The following TRNP1 variants were observed in gnomAD, a reference collection of about 807,000 sequenced individuals.
The protein encoded by TRNP1 is TMF-regulated nuclear protein 1.
In TRNP1, 16 loss-of-function variants were observed where a neutral mutation model predicts 12.2. That is an observed-to-expected ratio of 1.31 (90% CI 0.89 to 1.99). The LOEUF is 1.99. TRNP1 is among the 30% of genes most tolerant of loss of function. The pLI is 0.00. For synonymous variants in TRNP1, 139 were observed against 166.2 expected (o/e 0.84, Z 1.26); for missense variants, 338 against 330.4 (o/e 1.02, Z -0.18).
chr1:26,994,406 G>T lies in TRNP1; in HGVS notation c.620G>T (p.Gly207Val), dbSNP rs2124191745. Residue 207 changes from glycine (G) to valine (V), a missense_variant, in exon 1 of 2, where the codon GGC becomes GTC. Physicochemically the swap from Gly to Val is moderately radical, Grantham distance 109 (BLOSUM62 -3). Transcript: ENST00000522111. The surrounding 1 kb of genome is among the most constrained non-coding windows in gnomAD (Gnocchi z 6.9). Reference sequence around the variant, plus strand: ...GCCGGGCGACTGCGGCGCGGCCACGGCCCCGAGCCCGACTCGCCCTTCCGC... The same window carrying T: ...GCCGGGCGACTGCGGCGCGGCCACGTCCCCGAGCCCGACTCGCCCTTCCGC... Reference protein sequence around the residue: ...WGAGRLRRGHGPEPDSPFRRS... With the variant: ...WGAGRLRRGHVPEPDSPFRRS... 1 of 1,145,688 alleles carries T rather than the reference G, an allele frequency of 8.7e-7. No homozygotes were observed. The highest frequency in any genetic ancestry group is 1.1e-6 in the Non-Finnish European group (1 of 933,262). 71.0% of individuals were successfully genotyped at this position (1,145,688 alleles called of 1,614,324 possible).
intron 1 of TRNP1, among the ~76,000 whole-genome samples, chr1:26,995,661 G>A (rs1890052): frequency 0.28 from 42,016 of 152,148 alleles, 6,869 homozygotes; most frequent in Middle Eastern, 0.45. Flanking sequence ...ACAGTGTTTC[G>A]CTCTTGTTGC....
chr1:26,993,818 C>T lies in TRNP1; in HGVS notation c.32C>T (p.Pro11Leu). ...GGCTGCCGCATCAGCGCCTGCGGCC[C>T]GGGGGCCCAGGAGGGGACGGCAGAG... Reference protein sequence around the residue: MPGCRISACGPGAQEGTAEQR... With the variant: MPGCRISACGLGAQEGTAEQR... Residue 11 changes from proline (P) to leucine (L), a missense_variant, in exon 1 of 2, where the codon CCG becomes CTG. Pro to Leu is a moderately conservative substitution (Grantham distance 98, BLOSUM62 -3). Coordinates refer to ENST00000522111, the MANE Select transcript of TRNP1 (RefSeq NM_001013642.3). The T allele has an allele frequency of 1.5e-6, 2 of 1,325,610 alleles. No homozygotes were observed. Among genetic ancestry groups the T allele is most frequent in the Non-Finnish European group, 1.9e-6 (2 of 1,041,254 alleles). The allele number at this position is 1,325,610 out of a possible 1,614,324, so 82.1% of individuals were successfully genotyped here. A position where few individuals can be genotyped will look rare whatever the true frequency, so the allele number is the denominator to read the frequency against.
chr1:26,994,215 C>A lies in TRNP1; in HGVS notation c.429C>A (p.His143Gln). 1 of 1,280,092 alleles carries A rather than the reference C, an allele frequency of 7.8e-7. No homozygotes were observed. Among genetic ancestry groups the A allele is most frequent in the Non-Finnish European group, 9.9e-7 (1 of 1,008,882 alleles). The allele number at this position is 1,280,092 out of a possible 1,614,324, so 79.3% of individuals were successfully genotyped here. A position where few individuals can be genotyped will look rare whatever the true frequency, so the allele number is the denominator to read the frequency against. ...TGGCGGCCGAGCTGCGCCTGGCGCA[C>A]CGCGCGGAGAGCCTGAGCCGCCTGA... ...VFLAAELRLA[H>Q]RAESLSRLSG... is the part of the protein sequence containing the mutation. Residue 143 changes from histidine to glutamine, a missense_variant, in exon 1 of 2, where the codon CAC becomes CAA. His to Gln is a conservative substitution (Grantham distance 24, BLOSUM62 0). Transcript: ENST00000522111. The surrounding 1 kb of genome is among the most constrained non-coding windows in gnomAD (Gnocchi z 6.9).
Position 26,993,923 on chromosome 1 carries a change from C to G in TRNP1, c.137C>G (p.Pro46Arg). The G allele has an allele frequency of 7.3e-7, 1 of 1,365,272 alleles. No individual in the cohort carries two copies. Among genetic ancestry groups the G allele is most frequent in the Non-Finnish European group, 9.4e-7 (1 of 1,066,258 alleles). 84.6% of individuals were successfully genotyped at this position (1,365,272 alleles called of 1,614,324 possible). The stretch of plus-strand genomic sequence containing the variant: ...CCAACTCCGACCTTGACTCCTACCC[C>G]GACCCCGGGTCAGTCCCCGCCGCTG... The part of the protein sequence containing the change: ...PPPTPTLTPT[P>R]TPGQSPPLPD... Residue 46 changes from proline to arginine, a missense_variant, in exon 1 of 2, where the codon CCG (proline) becomes CGG (arginine). Pro to Arg is a moderately radical substitution (Grantham distance 103). Transcript: ENST00000522111.
rs994904752 is a variant in TRNP1 at position 27,000,560 on chromosome 1, G to T, written c.*856G>T. ...GGGAAGGGGGGCACATTTACACATA[G>T]CCCAGAACTTGTAGAATTCTGCATA... is the stretch of plus-strand genomic sequence containing the variant. On this transcript the variant is annotated 3_prime_UTR_variant, in exon 2 of 2. Coordinates refer to ENST00000522111, the MANE Select transcript of TRNP1 (RefSeq NM_001013642.3). 6.6e-6 allele frequency: 1 copy of T among 152,598 alleles called. No homozygotes were observed. The highest frequency in any genetic ancestry group is 1.9e-4 in the East Asian group (1 of 5,202). The allele number at this position is 152,598 out of a possible 1,614,324, so 9.5% of individuals were successfully genotyped here. A position where few individuals can be genotyped will look rare whatever the true frequency, so the allele number is the denominator to read the frequency against.
chr1:26,995,338 G>A (rs2082540061), intron 1 of TRNP1, among the ~76,000 whole-genome samples: 1 of 152,202 alleles, frequency 6.6e-6, no homozygotes, highest in Admixed American at 6.5e-5. Context: ...CCTTTAACAG[G>A]CCCCAAGGGG....
At chr1:26,997,955 G>T (rs1040625492) in intron 1 of TRNP1, among the ~76,000 whole-genome samples, 3 of 152,192 alleles carry the variant, frequency 2.0e-5, no homozygotes, top group Non-Finnish European at 4.4e-5. Context: ...GGGCCTGGGA[G>T]AACGAGCAGG....
intron 1 of TRNP1, among the ~76,000 whole-genome samples, chr1:26,997,231 G>C (rs1395364900): frequency 6.6e-6 from 1 of 151,076 alleles, no homozygotes; most frequent in Non-Finnish European, 1.5e-5. Context: ...CCAGCTACTC[G>C]GGAGGCTGAG....
intron 1 of TRNP1, among the ~76,000 whole-genome samples, chr1:26,996,342 C>G (rs1335164717): frequency 6.6e-6 from 1 of 152,196 alleles, no homozygotes; most frequent in East Asian, 1.9e-4. Context: ...TCCCTGGATA[C>G]CAAACTTTTT....
chr1:26,998,698 T>C (rs558258310), intron 1 of TRNP1, among the ~76,000 whole-genome samples: 8 of 152,220 alleles, frequency 5.3e-5, no homozygotes, highest in African/African-American at 1.9e-4. Flanking sequence ...TGGAATAATA[T>C]CTTAACCACC....
intron 1 of TRNP1, among the ~76,000 whole-genome samples, chr1:26,998,497 C>T (rs1300596172): frequency 1.3e-5 from 2 of 152,188 alleles, no homozygotes; most frequent in Non-Finnish European, 2.9e-5. Flanking sequence ...CAGCCGCTCC[C>T]CTGTTGGTGG....
rs1286148873 is a variant in TRNP1, at chr1:27,000,198, ATTTCT to A, written c.*499_*503del. 6.6e-6 allele frequency: 1 copy of A among 152,316 alleles called. No homozygotes were observed. The highest frequency in any genetic ancestry group is 1.9e-4 in the East Asian group (1 of 5,190). The allele number at this position is 152,316 out of a possible 1,614,324, so 9.4% of individuals were successfully genotyped here. ...CCCCCTACCCCATCCCCAGCCAAGAATTTCTTTTCAAGATATCGTCATCATTCTTA... is the reference window on the plus strand; with the variant it reads ...CCCCCTACCCCATCCCCAGCCAAGAATTTCAAGATATCGTCATCATTCTTA... On this transcript the variant is annotated 3_prime_UTR_variant, in exon 2 of 2. Transcript: ENST00000522111.
chr1:26,999,640 C>T (rs2082562881), intron 1 of TRNP1, among the ~76,000 whole-genome samples: 1 of 152,168 alleles, frequency 6.6e-6, no homozygotes, highest in African/African-American at 2.4e-5. Context: ...TCCATTCTAA[C>T]TGCTCAGGCT....
intron 1 of TRNP1, among the ~76,000 whole-genome samples, chr1:26,995,819 C>A (rs929989060): frequency 1.3e-5 from 2 of 152,096 alleles, no homozygotes; most frequent in Non-Finnish European, 2.9e-5. Context: ...TGGTAGAGAC[C>A]GGGTTTCTCC....
At chr1:26,997,020 C>T (rs1466486532) in intron 1 of TRNP1, among the ~76,000 whole-genome samples, 1 of 152,094 alleles carries the variant, frequency 6.6e-6, no homozygotes, top group Non-Finnish European at 1.5e-5. Flanking sequence ...CCCTCCAGGG[C>T]CCCCTCTAGA....
At chr1:26,999,437 G>C (rs2082561651) in intron 1 of TRNP1, among the ~76,000 whole-genome samples, 2 of 152,162 alleles carry the variant, frequency 1.3e-5, no homozygotes, top group Admixed American at 1.3e-4. Flanking sequence ...TAAGTACTTG[G>C]CACATAGTAG....
In TRNP1 at chr1:26,994,375, T is replaced by G. The variant is rs1570774432; in HGVS notation, c.589T>G (p.Trp197Gly). The change falls in exon 1 of 2, where the codon TGG becomes GGG. Residue 197 changes from tryptophan (W) to glycine (G), a missense_variant. By Grantham distance (184) the Trp-to-Gly change is radical. Transcript: ENST00000522111. The surrounding 1 kb of genome is among the most constrained non-coding windows in gnomAD (Gnocchi z 6.9). ...GCTGGGCCTGGGCGGCTGCGTGCCCTGGGGTGCCGGGCGACTGCGGCGCGG... is the reference window on the plus strand; with the variant it reads ...GCTGGGCCTGGGCGGCTGCGTGCCCGGGGGTGCCGGGCGACTGCGGCGCGG... ...SALGLGGCVP[W>G]GAGRLRRGHG... 9.1e-7 allele frequency: 1 copy of G among 1,098,114 alleles called. No homozygotes were observed. Among genetic ancestry groups the G allele is most frequent in the Non-Finnish European group, 1.1e-6 (1 of 903,624 alleles). 68.0% of individuals were successfully genotyped at this position (1,098,114 alleles called of 1,614,324 possible).
At chr1:26,995,323 G>GAT (rs954549305) in intron 1 of TRNP1, among the ~76,000 whole-genome samples, 11 of 152,228 alleles carry the variant, frequency 7.2e-5, no homozygotes, top group African/African-American at 2.7e-4. Context: ...GGAACCAGGT[G>GAT]ATACCCTTTA....
chr1:26,997,558 C>A lies in TRNP1; in HGVS notation c.*143-2289C>A, dbSNP rs550550318. Among the ~76,000 whole-genome samples the A allele has an allele frequency of 1.4e-3, 208 of 152,220 alleles. 1 individual carries two copies. The highest frequency in any genetic ancestry group is 5.2e-3 in the South Asian group (25 of 4,812). On this transcript the variant is annotated intron_variant, in intron 1 of 1. Transcript: ENST00000522111. Reference sequence around the variant, plus strand: ...TAGCCTCGGACAGAAGGCTGACCCACCCCTTTTCCCCACATGACTTTCAGA... The same window carrying A: ...TAGCCTCGGACAGAAGGCTGACCCAACCCTTTTCCCCACATGACTTTCAGA...
Sources: allele counts gnomAD v4.1 joint callset (sites outside exome capture counted in the v4.1 genomes callset), GRCh38; gene constraint gnomAD v4.1.1; non-coding constraint Gnocchi (gnomAD v3.1); transcripts MANE v1.5; gene names NCBI Gene and HGNC (gene_info 2026-07-23, HGNC 2026-07-21).